Variants in OSBPL10 observed in about 807,000 individuals in gnomAD.
OSBPL10 encodes oxysterol-binding protein-related protein 10.
A neutral mutation model predicts 81.7 loss-of-function variants in OSBPL10; 49 were observed. That is an observed-to-expected ratio of 0.60 (90% CI 0.48 to 0.76). The LOEUF is 0.76. Among genes scored for constraint, OSBPL10 ranks in the 30% least tolerant of loss-of-function variants. The pLI is 0.00. For synonymous variants in OSBPL10, 419 were observed against 383.6 expected, an observed-to-expected ratio of 1.09 and a Z score of -1.08; for missense variants, 923 against 987.8, an observed-to-expected ratio of 0.93 and a Z score of 0.88.
At chr3:32,009,015 C>T (rs143259448) in intron 2 of OSBPL10, among the ~76,000 whole-genome samples, 10 of 152,248 alleles carry the variant, frequency 6.6e-5, no homozygotes, top group South Asian at 4.1e-4. Flanking sequence ...GCCAGGAAGA[C>T]GAGATAATTT....
chr3:31,794,927 G>C, intron 4 of OSBPL10: 1 of 359,482 alleles, frequency 2.8e-6, no homozygotes, highest in Non-Finnish European at 5.5e-6. Flanking sequence ...AGGGGTGCCA[G>C]AGAAGTGTCA....
intron 1 of OSBPL10, among the ~76,000 whole-genome samples, chr3:31,921,891 T>C (rs950511884): frequency 6.6e-6 from 1 of 152,200 alleles, no homozygotes; most frequent in Non-Finnish European, 1.5e-5. Flanking sequence ...ACCCTTGATA[T>C]GATGTGATAA....
intron 2 of OSBPL10, among the ~76,000 whole-genome samples, chr3:32,028,629 G>C (rs1244681549): frequency 6.6e-6 from 1 of 152,086 alleles, no homozygotes; most frequent in Non-Finnish European, 1.5e-5. Context: ...ATGTTACAAA[G>C]AGGTGGGTTT....
chr3:32,013,148 T>C (rs933120789), intron 2 of OSBPL10, among the ~76,000 whole-genome samples: 17 of 152,200 alleles, frequency 1.1e-4, no homozygotes, highest in African/African-American at 3.6e-4. Context: ...TACATTCTTC[T>C]CAGCACCACA....
chr3:32,044,932 T>A (rs1699609131), intron 2 of OSBPL10, among the ~76,000 whole-genome samples: 1 of 152,172 alleles, frequency 6.6e-6, no homozygotes, highest in Non-Finnish European at 1.5e-5. Flanking sequence ...GAACTTGATT[T>A]TTGAGGGCAA....
intron 1 of OSBPL10, among the ~76,000 whole-genome samples, chr3:31,895,476 T>A (rs940350197): frequency 3.9e-5 from 6 of 151,944 alleles, no homozygotes; most frequent in African/African-American, 1.5e-4. Context: ...CACATACACT[T>A]GGACCAATTA....
chr3:32,016,348 A>G (rs1013754091), intron 2 of OSBPL10, among the ~76,000 whole-genome samples: 1 of 152,206 alleles, frequency 6.6e-6, no homozygotes, highest in African/African-American at 2.4e-5. Flanking sequence ...TCGCAAGGAC[A>G]AAAAACCAAA....
At chr3:31,958,373 T>C (rs148449699) in intron 1 of OSBPL10, among the ~76,000 whole-genome samples, 48 of 152,288 alleles carry the variant, frequency 3.2e-4, no homozygotes, top group African/African-American at 1.1e-3. Flanking sequence ...AAATCTAGTT[T>C]GTATGTTTTA....
At chr3:31,928,454 T>C (rs1429251725) in intron 1 of OSBPL10, among the ~76,000 whole-genome samples, 2 of 151,952 alleles carry the variant, frequency 1.3e-5, no homozygotes, top group Admixed American at 6.6e-5. Context: ...GACCCTACCA[T>C]CTACCTCAGA....
intron 2 of OSBPL10, among the ~76,000 whole-genome samples, chr3:32,017,969 T>C (rs949807662): frequency 1.3e-5 from 2 of 151,826 alleles, no homozygotes; most frequent in Admixed American, 6.6e-5. Context: ...GCCAACATGG[T>C]GAAACCCCGT....
chr3:31,986,766 T>C (rs1356279614), intron 2 of OSBPL10, among the ~76,000 whole-genome samples: 1 of 152,074 alleles, frequency 6.6e-6, no homozygotes, highest in Non-Finnish European at 1.5e-5. Flanking sequence ...ATCCCAGCAC[T>C]GTGGGAGGCT....
intron 1 of OSBPL10, among the ~76,000 whole-genome samples, chr3:31,925,053 T>C (rs1338281123): frequency 1.3e-5 from 2 of 152,192 alleles, no homozygotes; most frequent in Non-Finnish European, 2.9e-5. Flanking sequence ...AGTAACACAG[T>C]TGTGAACAGC....
intron 7 of OSBPL10, among the ~76,000 whole-genome samples, chr3:31,685,716 A>G (rs566810285): frequency 6.6e-6 from 1 of 152,304 alleles, no homozygotes; most frequent in South Asian, 2.1e-4. Flanking sequence ...CACTCCCATG[A>G]AAACATTTGG....
chr3:31,871,354 G>C lies in OSBPL10; in HGVS notation c.537+5079C>G, dbSNP rs139906421. On this transcript the variant is annotated intron_variant, in intron 3 of 11. Transcript: ENST00000396556. ...TACGAAGGACTGCAGCTTCCCTCCT[G>C]AGCCAGCGAGACTATGAACCCACCA... Among the ~76,000 whole-genome samples, 31 of 151,990 alleles carry C rather than the reference G, an allele frequency of 2.0e-4. 1 individual carries two copies. In the East Asian group the frequency reaches 6.0e-3, roughly 30 times the overall value.
chr3:31,904,007 G>C (rs1197533991), intron 1 of OSBPL10, among the ~76,000 whole-genome samples: 2 of 152,132 alleles, frequency 1.3e-5, no homozygotes, highest in African/African-American at 2.4e-5. Flanking sequence ...TAGGAGAGGG[G>C]AAGGAGAGAA....
chr3:31,851,947 AG>A (rs1390099805), intron 3 of OSBPL10, among the ~76,000 whole-genome samples: 2 of 152,202 alleles, frequency 1.3e-5, no homozygotes, highest in Non-Finnish European at 2.9e-5. Context: ...CATCTGGCAA[AG>A]AGAACAAGGC....
intron 2 of OSBPL10, among the ~76,000 whole-genome samples, chr3:32,002,478 T>C (rs1411611389): frequency 6.6e-6 from 1 of 152,198 alleles, no homozygotes; most frequent in African/African-American, 2.4e-5. Flanking sequence ...TTTTAAGTCC[T>C]GGACTATGAA....
In OSBPL10 at chr3:31,848,695, C is replaced by T. The variant is rs1406979290; in HGVS notation, c.538-18464G>A. ...CTCAGGTTTAAGGATTAACACAGAA[C>T]AGCTGAAAAAGCATTTCTGGCCAAA... On this transcript the variant is annotated intron_variant, in intron 3 of 11. Coordinates refer to ENST00000396556, the MANE Select transcript of OSBPL10 (RefSeq NM_017784.5). 8.5e-5 allele frequency among the ~76,000 whole-genome samples: 13 copies of T among 152,178 alleles called. No individual in the cohort carries two copies. The East Asian group carries it at 2.5e-3, about 29-fold the overall frequency.
chr3:31,875,126 C>T (rs1309118963), intron 3 of OSBPL10, among the ~76,000 whole-genome samples: 2 of 149,466 alleles, frequency 1.3e-5, no homozygotes, highest in Non-Finnish European at 3.0e-5. Flanking sequence ...GCATGTGATC[C>T]CCATTTGTAT....
Sources: gnomAD v4.1 joint callset for allele counts (sites outside exome capture counted in the v4.1 genomes callset) on GRCh38, gnomAD v4.1.1 for gene constraint, MANE v1.5 for transcripts, NCBI Gene and HGNC (gene_info 2026-07-23, HGNC 2026-07-21) for gene names.